ALDH1A2: variants seen among roughly 807,000 people sequenced by gnomAD.
ALDH1A2 encodes the protein retinal dehydrogenase 2.
ALDH1A2 carries 27 observed loss-of-function variants against 60.3 expected under a neutral mutation model. The ratio of observed to expected loss-of-function variants is 0.45; its 90% CI spans 0.33 to 0.62. ALDH1A2 has a LOEUF of 0.62. Among genes scored for constraint, ALDH1A2 ranks in the 20% least tolerant of loss-of-function variants. ALDH1A2 has a pLI of 0.02. For synonymous variants in ALDH1A2, 289 were observed against 232.4 expected (o/e 1.24, Z -2.21); for missense variants, 581 against 643.8 (o/e 0.90, Z 1.06).
chr15:57,972,213 A>G (rs894767100), intron 7 of ALDH1A2, among the ~76,000 whole-genome samples: 2 of 152,226 alleles, frequency 1.3e-5, no homozygotes, highest in Non-Finnish European at 2.9e-5. Flanking sequence ...TGAGTGGCAG[A>G]GCCAGGACTG....
At chr15:57,986,740 T>C (rs1894717299) in intron 7 of ALDH1A2, among the ~76,000 whole-genome samples, 1 of 152,132 alleles carries the variant, frequency 6.6e-6, no homozygotes, top group African/African-American at 2.4e-5. Context: ...TGGTGTGATC[T>C]TGGCTCACTG....
chr15:58,033,924 G>A, intron 1 of ALDH1A2, among the ~76,000 whole-genome samples: 1 of 150,472 alleles, frequency 6.6e-6, no homozygotes. Flanking sequence ...GATAGTATCA[G>A]TCCTCCTCTT....
In ALDH1A2 at chr15:57,965,833, AG is replaced by A. The variant is rs1243645515; in HGVS notation, c.799-7del. ...TCTTGGATAAGCTTTCCAACCTGAAAGAAGGGAAATGGAGACAGGTTTTGCA... is the reference window on the plus strand; with the variant it reads ...TCTTGGATAAGCTTTCCAACCTGAAAAAGGGAAATGGAGACAGGTTTTGCA... On this transcript the variant is annotated splice_region_variant and splice_polypyrimidine_tract_variant and intron_variant, in intron 7 of 12. Transcript: ENST00000249750. 2.5e-6 allele frequency: 4 copies of A among 1,612,844 alleles called. No homozygotes were observed. Among genetic ancestry groups the A allele is most frequent in the Non-Finnish European group, 1.7e-6 (2 of 1,178,944 alleles).
chr15:57,992,766 G>A lies in ALDH1A2; in HGVS notation c.737C>T (p.Ala246Val). ...INILPGYGPT[A>V]GAAIASHIGI... Reference sequence around the variant, plus strand: ...AATGTGAGAAGCTATTGCTGCCCCAGCCGTTGGCCCATATCCTGGCAAAAT... The same window carrying A: ...AATGTGAGAAGCTATTGCTGCCCCAACCGTTGGCCCATATCCTGGCAAAAT... Residue 246 changes from alanine (A) to valine (V), a missense_variant, in exon 7 of 13, where the codon GCT becomes GTT. Coordinates refer to ENST00000249750, the MANE Select transcript of ALDH1A2 (RefSeq NM_003888.4). 1 of 1,614,142 alleles carries A rather than the reference G, an allele frequency of 6.2e-7. No homozygotes were observed. Among genetic ancestry groups the A allele is most frequent in the African/African-American group, 1.3e-5 (1 of 75,026 alleles).
intron 1 of ALDH1A2, among the ~76,000 whole-genome samples, chr15:58,062,284 G>C (rs1317353839): frequency 7.2e-5 from 11 of 152,036 alleles, no homozygotes; most frequent in Admixed American, 7.2e-4. Flanking sequence ...GTGACCAAGA[G>C]AAAGACAGCA....
chr15:58,014,384 A>ACTTTT, intron 1 of ALDH1A2, 103 bp from the exon 2 acceptor site: 2 of 896,830 alleles, frequency 2.2e-6, no homozygotes, highest in Non-Finnish European at 3.7e-6. Context: ...CTTGTTGTAT[A>ACTTTT]ATAAAAGTAT....
intron 1 of ALDH1A2, among the ~76,000 whole-genome samples, chr15:58,057,623 GTTC>G (rs1896928542): frequency 6.6e-6 from 1 of 152,172 alleles, no homozygotes; most frequent in Non-Finnish European, 1.5e-5. Flanking sequence ...ATAGTGTGCT[GTTC>G]TTCTGCTGAG....
intron 1 of ALDH1A2, among the ~76,000 whole-genome samples, chr15:58,060,173 A>G (rs1338083848): frequency 6.6e-6 from 1 of 152,190 alleles, no homozygotes; most frequent in Non-Finnish European, 1.5e-5. Flanking sequence ...CACCCGCCTC[A>G]GCCTCCCAAA....
chr15:58,014,119 G>T, intron 2 of ALDH1A2, 58 bp downstream of exon 2: 2 of 1,613,982 alleles, frequency 1.2e-6, no homozygotes, highest in South Asian at 2.2e-5. Context: ...TATGTTTGCT[G>T]CTCTGCTGTT....
At chr15:57,961,767 T>G (rs1333741590) in intron 10 of ALDH1A2, among the ~76,000 whole-genome samples, 8 of 151,968 alleles carry the variant, frequency 5.3e-5, no homozygotes, top group African/African-American at 1.9e-4. Context: ...CAGGCTATTC[T>G]GATTGTTCTG....
intron 1 of ALDH1A2, among the ~76,000 whole-genome samples, chr15:58,018,713 T>A (rs74018813): frequency 0.015 from 2,354 of 152,216 alleles, 30 homozygotes; most frequent in African/African-American, 0.038. Flanking sequence ...AAAGACAAGA[T>A]CAGTTCTGTG....
At chr15:58,004,168 T>C (rs1895369185) in intron 4 of ALDH1A2, among the ~76,000 whole-genome samples, 1 of 151,894 alleles carries the variant, frequency 6.6e-6, no homozygotes, top group African/African-American at 2.4e-5. Context: ...AGTTGAAGGC[T>C]ACCCTTTACG....
intron 1 of ALDH1A2, 198 bp downstream of exon 1, chr15:58,065,336 G>A (rs1897149271): frequency 7.7e-6 from 5 of 646,024 alleles, no homozygotes; most frequent in African/African-American, 1.8e-5. Flanking sequence ...AGTCCCCAAG[G>A]CGTCCTCAGA....
At chr15:58,014,308 T>C in intron 1 of ALDH1A2, 27 bp from the exon 2 acceptor site, 1 of 1,572,932 alleles carries the variant, frequency 6.4e-7, no homozygotes, top group Non-Finnish European at 8.8e-7. Context: ...CAGAATGGGA[T>C]CTGTGACACA....
At chr15:58,059,378 G>C (rs1896968096) in intron 1 of ALDH1A2, among the ~76,000 whole-genome samples, 4 of 152,312 alleles carry the variant, frequency 2.6e-5, no homozygotes, top group African/African-American at 9.6e-5. Context: ...TTACTTTCTG[G>C]AAGGTGACTG....
intron 7 of ALDH1A2, among the ~76,000 whole-genome samples, chr15:57,981,148 C>G (rs1894489739): frequency 6.6e-6 from 1 of 151,902 alleles, no homozygotes; most frequent in Non-Finnish European, 1.5e-5. Flanking sequence ...TCTTGTTTAT[C>G]TTTTCAAAAA....
chr15:57,965,585 C>T lies in ALDH1A2; in HGVS notation c.901+140G>A. ...AAGTGCTCTTTCCCCATTATTAAACCATTTTCTCCTTAGAGGAGATCTTTT... is the reference window on the plus strand; with the variant it reads ...AAGTGCTCTTTCCCCATTATTAAACTATTTTCTCCTTAGAGGAGATCTTTT... On this transcript the variant is annotated intron_variant, in intron 8 of 12. Coordinates refer to ENST00000249750, the MANE Select transcript of ALDH1A2 (RefSeq NM_003888.4). 3 of 750,416 alleles carry T rather than the reference C, an allele frequency of 4.0e-6. No individual in the cohort carries two copies. In the South Asian group the frequency reaches 4.5e-5, roughly 11 times the overall value. The allele number at this position is 750,416 out of a possible 1,614,324, so 46.5% of individuals were successfully genotyped here.
Position 57,999,845 on chromosome 15 carries a change from G to C in ALDH1A2, c.494-4706C>G, listed in dbSNP as rs570113958. Among the ~76,000 whole-genome samples, 175 of 152,030 alleles carry C rather than the reference G, an allele frequency of 1.2e-3. 1 individual carries two copies. Among genetic ancestry groups the C allele is most frequent in the African/African-American group, 4.0e-3 (166 of 41,502 alleles). On this transcript the variant is annotated intron_variant, in intron 4 of 12. Transcript: ENST00000249750. ...CCATCAATGATAGACTGGATAAAGAGAATGTGGTATATATACATCAAGGAA... is the reference window on the plus strand; with the variant it reads ...CCATCAATGATAGACTGGATAAAGACAATGTGGTATATATACATCAAGGAA...
intron 1 of ALDH1A2, among the ~76,000 whole-genome samples, chr15:58,036,136 A>G (rs1219334730): frequency 6.6e-6 from 1 of 151,738 alleles, no homozygotes; most frequent in African/African-American, 2.4e-5. Context: ...AAGTAATAGT[A>G]TATTTTTAGA....
Sources: gnomAD v4.1 joint callset for allele counts (sites outside exome capture counted in the v4.1 genomes callset) on GRCh38, gnomAD v4.1.1 for gene constraint, MANE v1.5 for transcripts, NCBI Gene and HGNC (gene_info 2026-07-23, HGNC 2026-07-21) for gene names.